NFATC2: variants seen among roughly 807,000 people sequenced by gnomAD.
NFATC2 encodes nuclear factor of activated T-cells, cytoplasmic 2.
In NFATC2, 22 loss-of-function variants were observed where a neutral mutation model predicts 87.3. The ratio of observed to expected loss-of-function variants is 0.25; its 90% CI spans 0.18 to 0.36. NFATC2 has a LOEUF of 0.36. Among genes scored for constraint, NFATC2 ranks in the 10% least tolerant of loss-of-function variants. The pLI, the probability that NFATC2 is intolerant of heterozygous loss-of-function variation, is 1.00. For synonymous variants in NFATC2, 565 were observed against 542.2 expected (o/e 1.04, Z -0.58); for missense variants, 1,149 against 1,259.1 (o/e 0.91, Z 1.32).
At chr20:51,409,430 A>G (rs559351364) in intron 9 of NFATC2, among the ~76,000 whole-genome samples, 37 of 152,366 alleles carry the variant, frequency 2.4e-4, no homozygotes, top group African/African-American at 6.5e-4. Context: ...AAGCAAAGAC[A>G]ATGAGTGAAA....
intron 3 of NFATC2, among the ~76,000 whole-genome samples, chr20:51,493,726 T>C (rs992571903): frequency 1.3e-5 from 2 of 152,186 alleles, no homozygotes; most frequent in Non-Finnish European, 2.9e-5. Flanking sequence ...GTCGATCACA[T>C]TGAGAGCAGC....
intron 1 of NFATC2, among the ~76,000 whole-genome samples, chr20:51,530,137 A>G (rs896993535): frequency 5.6e-4 from 85 of 152,114 alleles, no homozygotes; most frequent in African/African-American, 2.0e-3. Context: ...GTACAGCAGT[A>G]CCTCACTGAA....
rs2076056509 is a variant in NFATC2, at chr20:51,500,299, T to TA, written c.1332+16484dup. 2.6e-5 allele frequency among the ~76,000 whole-genome samples: 4 copies of TA among 152,110 alleles called. 1 individual carries two copies. The highest frequency in any genetic ancestry group is 4.2e-4 in the South Asian group (2 of 4,808). On this transcript the variant is annotated intron_variant, in intron 3 of 10. Transcript: ENST00000371564. Reference sequence around the variant, plus strand: ...CTAGCTCAATTATCCCCAAACTCTTTAAAAAAAATTTTTAATAGAAAAAAT... The same window carrying TA: ...CTAGCTCAATTATCCCCAAACTCTTTAAAAAAAAATTTTTAATAGAAAAAAT...
upstream of NFATC2, chr20:51,562,720 T>G: frequency 4.3e-5 from 52 of 1,220,334 alleles, no homozygotes; most frequent in Non-Finnish European, 5.2e-5. This position sits in a 1 kb window ranked among gnomAD's most constrained non-coding sequence, Gnocchi z 5.8. Flanking sequence ...CTCTACCGCG[T>G]GCCCGCGGGG....
chr20:51,490,239 G>A (rs903902885), intron 3 of NFATC2, among the ~76,000 whole-genome samples: 3 of 152,158 alleles, frequency 2.0e-5, no homozygotes, highest in East Asian at 1.9e-4. Context: ...TCACTGCAAC[G>A]CTATGAGAGA....
intron 6 of NFATC2, among the ~76,000 whole-genome samples, chr20:51,450,686 C>T (rs1243337605): frequency 6.6e-6 from 1 of 152,194 alleles, no homozygotes; most frequent in Non-Finnish European, 1.5e-5. Flanking sequence ...CCTGGATTCT[C>T]CAAGCTAAAC....
At chr20:51,397,467 C>T (rs932806838) in intron 10 of NFATC2, among the ~76,000 whole-genome samples, 26 of 152,220 alleles carry the variant, frequency 1.7e-4, no homozygotes, top group East Asian at 5.8e-4. Context: ...AGGCCTGAGC[C>T]GCTGGCTTGC....
At chr20:51,413,732 C>T (rs370892070) in intron 9 of NFATC2, among the ~76,000 whole-genome samples, 115 of 152,164 alleles carry the variant, frequency 7.6e-4, no homozygotes, top group Admixed American at 4.1e-3. Context: ...ACTCCAGCCT[C>T]GGTGACAGAG....
intron 6 of NFATC2, among the ~76,000 whole-genome samples, chr20:51,446,382 T>A (rs773519389): frequency 6.6e-6 from 1 of 152,162 alleles, no homozygotes; most frequent in Non-Finnish European, 1.5e-5. Flanking sequence ...CTCCTTCTAT[T>A]GCTAATACAC....
chr20:51,459,793 C>T (rs995925605), intron 5 of NFATC2, among the ~76,000 whole-genome samples: 13 of 151,986 alleles, frequency 8.6e-5, no homozygotes, highest in African/African-American at 3.1e-4. Flanking sequence ...GTGGGAGAAT[C>T]GCTTGAACCC....
chr20:51,547,344 C>T (rs1478198240), upstream of NFATC2, among the ~76,000 whole-genome samples: 1 of 152,150 alleles, frequency 6.6e-6, no homozygotes, highest in Non-Finnish European at 1.5e-5. Context: ...CTCTCTTCCT[C>T]TTCTAGGCTT....
At chr20:51,491,587 G>C (rs907484240) in intron 3 of NFATC2, among the ~76,000 whole-genome samples, 1 of 152,068 alleles carries the variant, frequency 6.6e-6, no homozygotes. Flanking sequence ...GAAGTGCAGC[G>C]GCACCATTAC....
At chr20:51,478,602 T>C (rs947994134) in intron 3 of NFATC2, among the ~76,000 whole-genome samples, 2 of 152,220 alleles carry the variant, frequency 1.3e-5, no homozygotes, top group African/African-American at 4.8e-5. Flanking sequence ...CCAGCACTGA[T>C]TGCCCAGCTT....
In NFATC2 at chr20:51,468,953, G is replaced by A. The variant is rs188460379; in HGVS notation, c.1708+5027C>T. ...CACATCAGAATCACTGGGAGACCTC[G>A]GAAAGCCTCCATGCCCAGGCCACAT... On this transcript the variant is annotated intron_variant, in intron 5 of 10. Coordinates refer to ENST00000371564, the MANE Select transcript of NFATC2 (RefSeq NM_012340.5). 1.1e-3 allele frequency among the ~76,000 whole-genome samples: 168 copies of A among 152,228 alleles called. 1 individual carries two copies. Among genetic ancestry groups the A allele is most frequent in the South Asian group, 5.2e-3 (25 of 4,816 alleles).
chr20:51,427,034 G>A (rs1981938920), intron 9 of NFATC2, among the ~76,000 whole-genome samples: 1 of 152,072 alleles, frequency 6.6e-6, no homozygotes, highest in Non-Finnish European at 1.5e-5. Context: ...TGCAGGGGCT[G>A]CAGCCATCAC....
intron 1 of NFATC2, among the ~76,000 whole-genome samples, chr20:51,549,274 G>A (rs2076913805): frequency 1.3e-5 from 2 of 152,214 alleles, no homozygotes; most frequent in South Asian, 4.1e-4. Context: ...TTGTTTGTTT[G>A]TTTGTTTGTT....
chr20:51,550,372 C>A (rs2076922781), intron 1 of NFATC2, among the ~76,000 whole-genome samples: 1 of 152,062 alleles, frequency 6.6e-6, no homozygotes. Flanking sequence ...GGGTGGATCA[C>A]CTAAGGTCAG....
chr20:51,414,487 G>A (rs6126225), intron 9 of NFATC2, among the ~76,000 whole-genome samples: 19 of 151,840 alleles, frequency 1.3e-4, no homozygotes, highest in Admixed American at 3.9e-4. Flanking sequence ...TCAGGAGTTC[G>A]AGACCAGCCT....
intron 6 of NFATC2, among the ~76,000 whole-genome samples, chr20:51,453,399 A>G (rs1442401958): frequency 2.0e-5 from 3 of 152,240 alleles, no homozygotes; most frequent in African/African-American, 7.2e-5. Flanking sequence ...CTCACCTGTT[A>G]TATTCTCGGA....
Sources: gnomAD v4.1 joint callset for allele counts (sites outside exome capture counted in the v4.1 genomes callset) on GRCh38, gnomAD v4.1.1 for gene constraint, Gnocchi (gnomAD v3.1) non-coding constraint, MANE v1.5 for transcripts, NCBI Gene and HGNC (gene_info 2026-07-23, HGNC 2026-07-21) for gene names.